CEP128: variants seen among roughly 807,000 people sequenced by gnomAD.
CEP128 encodes centrosomal protein 128kDa.
In CEP128, 132 loss-of-function variants were observed where a neutral mutation model predicts 156.7. The ratio of observed to expected loss-of-function variants is 0.84; its 90% CI spans 0.73 to 0.97. The LOEUF is 0.97. Ranked by LOEUF, CEP128 falls within the 50% of genes least tolerant of loss-of-function variation. The pLI is 0.00. For missense variants in CEP128, 1,252 were observed against 1,281.9 expected, an observed-to-expected ratio of 0.98 and a Z score of 0.36; for synonymous variants, 469 against 448.9, an observed-to-expected ratio of 1.04 and a Z score of -0.57.
At chr14:80,496,245 T>C (rs919497428), downstream of CEP128, among the ~76,000 whole-genome samples, 5 of 152,274 alleles carry the variant, frequency 3.3e-5, no homozygotes, top group African/African-American at 1.2e-4. Context: ...AATGCATACA[T>C]GATAAAAATG....
intron 24 of CEP128, among the ~76,000 whole-genome samples, chr14:80,501,547 C>T (rs1887734860): frequency 1.3e-5 from 2 of 151,712 alleles, no homozygotes; most frequent in Non-Finnish European, 2.9e-5. Flanking sequence ...CTCTGTCACC[C>T]AGGCTGGAGT....
intron 19 of CEP128, among the ~76,000 whole-genome samples, chr14:80,605,235 C>CT (rs1892730619): frequency 1.3e-5 from 2 of 152,078 alleles, no homozygotes; most frequent in South Asian, 4.1e-4. Flanking sequence ...TGCATGGTCT[C>CT]TAAGTGTTAG....
At chr14:80,568,092 A>C (rs752104809) in intron 20 of CEP128, among the ~76,000 whole-genome samples, 7 of 152,152 alleles carry the variant, frequency 4.6e-5, no homozygotes, top group Non-Finnish European at 8.8e-5. Flanking sequence ...TGTGGAAAAT[A>C]AGAGGGTATG....
At chr14:80,856,782 G>A (rs931247601) in intron 9 of CEP128, among the ~76,000 whole-genome samples, 1 of 137,244 alleles carries the variant, frequency 7.3e-6, no homozygotes, top group Non-Finnish European at 1.5e-5. Context: ...CCAGGCTGGA[G>A]TGCAGTGGTA....
chr14:80,685,009 T>C (rs1394962611), intron 19 of CEP128, among the ~76,000 whole-genome samples: 13 of 152,006 alleles, frequency 8.6e-5, no homozygotes, highest in Admixed American at 5.9e-4. Flanking sequence ...TGGGCAAAAA[T>C]TGGCAGCATT....
At chr14:80,521,618 T>G (rs1462164705) in intron 23 of CEP128, among the ~76,000 whole-genome samples, 1 of 152,252 alleles carries the variant, frequency 6.6e-6, no homozygotes, top group East Asian at 1.9e-4. Flanking sequence ...TCTTCATATT[T>G]CAGCATGATT....
chr14:80,900,132 C>T (rs1254119860), intron 6 of CEP128, 103 bp from the exon 7 acceptor site: 4 of 680,934 alleles, frequency 5.9e-6, no homozygotes, highest in Admixed American at 2.9e-5. Flanking sequence ...CAATAATAAC[C>T]AGATTCCGTA....
At chr14:80,685,891 AGC>A (rs1896505748) in intron 19 of CEP128, among the ~76,000 whole-genome samples, 1 of 152,160 alleles carries the variant, frequency 6.6e-6, no homozygotes, top group Admixed American at 6.6e-5. Context: ...ATGCTGGAAC[AGC>A]TAGCTAGGCC....
chr14:80,557,949 A>G (rs1197972749), intron 21 of CEP128, among the ~76,000 whole-genome samples: 1 of 152,080 alleles, frequency 6.6e-6, no homozygotes, highest in African/African-American at 2.4e-5. Flanking sequence ...ATCACTCTTT[A>G]TATATCTTTA....
In CEP128 at chr14:80,838,164, T is replaced by A. The variant is rs11849362; in HGVS notation, c.924+40A>T. Reference sequence around the variant, plus strand: ...TTAAATAGAGCTACTCAATCCTGATTTAATGTAAAAGTATATTATAATAAC... The same window carrying A: ...TTAAATAGAGCTACTCAATCCTGATATAATGTAAAAGTATATTATAATAAC... On this transcript the variant is annotated intron_variant, in intron 11 of 24. Coordinates refer to ENST00000555265, the MANE Select transcript of CEP128 (RefSeq NM_152446.5). 0.014 allele frequency: 18,520 copies of A among 1,369,432 alleles called. 1,865 individuals are homozygous for A. In the African/African-American group the frequency reaches 0.23, roughly 17 times the overall value. 84.8% of individuals were successfully genotyped at this position (1,369,432 alleles called of 1,614,324 possible).
chr14:80,535,492 G>A (rs759718667), intron 21 of CEP128, among the ~76,000 whole-genome samples: 58 of 152,172 alleles, frequency 3.8e-4, no homozygotes, highest in Non-Finnish European at 6.8e-4. Flanking sequence ...CTTATTTCTG[G>A]AAGAAAAGTT....
intron 2 of CEP128, among the ~76,000 whole-genome samples, chr14:80,921,961 CA>C (rs369072626): frequency 2.4e-3 from 321 of 131,072 alleles, no homozygotes; most frequent in Middle Eastern, 4.2e-3. Context: ...GACTCCATCC[CA>C]AAAAAAAAAA....
At chr14:80,579,951 C>T (rs2122427) in intron 20 of CEP128, among the ~76,000 whole-genome samples, 151,311 of 152,354 alleles carry the variant, frequency 0.99, 75,150 homozygotes, top group Middle Eastern at 1. Context: ...TACAAGGCAA[C>T]CTTAAGCTCT....
chr14:80,856,207 C>T (rs1266686875), intron 9 of CEP128, among the ~76,000 whole-genome samples: 1 of 152,146 alleles, frequency 6.6e-6, no homozygotes, highest in Non-Finnish European at 1.5e-5. Context: ...ACTTCACCAT[C>T]GTCTATTAAG....
intron 9 of CEP128, among the ~76,000 whole-genome samples, chr14:80,854,417 G>A (rs11851465): frequency 0.065 from 9,939 of 152,062 alleles, 1,079 homozygotes; most frequent in African/African-American, 0.23. Context: ...TTCTAAAAAC[G>A]AATACATGAC....
At chr14:80,824,243 C>T (rs1347629846) in intron 13 of CEP128, among the ~76,000 whole-genome samples, 2 of 152,222 alleles carry the variant, frequency 1.3e-5, no homozygotes, top group Non-Finnish European at 2.9e-5. Context: ...TCCTCCTAGG[C>T]CACTGGGCTT....
At chr14:80,954,251 C>T (rs560596653) in intron 2 of CEP128, among the ~76,000 whole-genome samples, 45 of 150,944 alleles carry the variant, frequency 3.0e-4, no homozygotes, top group Non-Finnish European at 5.2e-4. Context: ...GCCTGGGCGA[C>T]GGAGCAAGAC....
intron 21 of CEP128, among the ~76,000 whole-genome samples, chr14:80,538,296 T>G (rs1043265427): frequency 1.1e-4 from 16 of 152,206 alleles, no homozygotes; most frequent in African/African-American, 3.9e-4. Context: ...TAATTAAAAC[T>G]ATATCTAACA....
chr14:80,699,330 C>T (rs1211376303), intron 19 of CEP128, among the ~76,000 whole-genome samples: 3 of 152,120 alleles, frequency 2.0e-5, no homozygotes, highest in African/African-American at 4.8e-5. Context: ...CTCCCATTAC[C>T]GCCCATGCAC....
Sources: gnomAD v4.1 joint callset for allele counts (sites outside exome capture counted in the v4.1 genomes callset) on GRCh38, gnomAD v4.1.1 for gene constraint, MANE v1.5 for transcripts, NCBI Gene and HGNC (gene_info 2026-07-23, HGNC 2026-07-21) for gene names.